EFCAB13: variants seen among roughly 807,000 people sequenced by gnomAD.
The protein encoded by EFCAB13 is EF-hand calcium binding domain 13.
A neutral mutation model predicts 110.2 loss-of-function variants in EFCAB13; 91 were observed. That is an observed-to-expected ratio of 0.83 (90% CI 0.70 to 0.98). The LOEUF (loss-of-function observed/expected upper bound fraction) is 0.98, where lower values mean the gene tolerates loss of function less well. Among genes scored for constraint, EFCAB13 ranks in the 50% least tolerant of loss-of-function variants. The pLI is 0.00. For missense variants in EFCAB13, 968 were observed against 1,119.4 expected, an observed-to-expected ratio of 0.86 and a Z score of 1.93; for synonymous variants, 323 against 369.9, an observed-to-expected ratio of 0.87 and a Z score of 1.45.
rs1294445745 is a variant in EFCAB13 at position 47,393,888 on chromosome 17, C to A, written c.1727-137C>A. ...TTGATTTGCTTTTCCCCTTTATACCCATATATTTTTATTGGTTAGTATTAC... is the reference window on the plus strand; with the variant it reads ...TTGATTTGCTTTTCCCCTTTATACCAATATATTTTTATTGGTTAGTATTAC... On this transcript the variant is annotated intron_variant, in intron 15 of 24. Transcript: ENST00000331493. The A allele has an allele frequency of 7.3e-6, 3 of 411,296 alleles. No homozygotes were observed. The East Asian group carries it at 1.3e-4, about 17-fold the overall frequency. The allele number at this position is 411,296 out of a possible 1,614,324, so 25.5% of individuals were successfully genotyped here.
intron 14 of EFCAB13, among the ~76,000 whole-genome samples, chr17:47,379,970 C>T (rs974247533): frequency 1.7e-4 from 26 of 152,136 alleles, no homozygotes; most frequent in African/African-American, 5.8e-4. Flanking sequence ...GCTACATTAT[C>T]ATTTGTCATT....
intron 23 of EFCAB13, chr17:47,423,461 C>G (rs1204290600): frequency 4.8e-6 from 1 of 209,740 alleles, no homozygotes; most frequent in Non-Finnish European, 9.4e-6. Context: ...AGTTGGCCAC[C>G]GCGCCTGGCT....
intron 15 of EFCAB13, among the ~76,000 whole-genome samples, chr17:47,393,055 C>A (rs1216812751): frequency 6.6e-6 from 1 of 151,950 alleles, no homozygotes; most frequent in African/African-American, 2.4e-5. Flanking sequence ...TTCTCAACAT[C>A]CTTAGTAATT....
In EFCAB13 at chr17:47,431,577, G is replaced by A. The variant is rs1296678789; in HGVS notation, c.2638+1616G>A. The stretch of plus-strand genomic sequence containing the variant: ...GTTTCTTAATTTCCAAAAATTTGAG[G>A]TTTTATAGTCATTACATTATTAATT... On this transcript the variant is annotated intron_variant, in intron 24 of 24. Coordinates refer to ENST00000331493, the MANE Select transcript of EFCAB13 (RefSeq NM_152347.5). The surrounding 1 kb of genome is among the most constrained non-coding windows in gnomAD (Gnocchi z 4.1). Among the ~76,000 whole-genome samples the A allele has an allele frequency of 6.6e-6, 1 of 151,760 alleles. No homozygotes were observed. Among genetic ancestry groups the A allele is most frequent in the Admixed American group, 6.6e-5 (1 of 15,238 alleles).
chr17:47,357,249 C>A (rs901834529), intron 9 of EFCAB13, among the ~76,000 whole-genome samples: 1 of 152,158 alleles, frequency 6.6e-6, no homozygotes, highest in Non-Finnish European at 1.5e-5. Flanking sequence ...TCTTTGGATT[C>A]TCTTGGCTTT....
At chr17:47,403,691 C>T (rs16941956) in intron 18 of EFCAB13, among the ~76,000 whole-genome samples, 187 bp from the exon 19 acceptor site, 17,339 of 152,032 alleles carry the variant, frequency 0.11, 1,298 homozygotes, top group East Asian at 0.35. Flanking sequence ...ACCAGAGAAA[C>T]GTGATAGATC....
intron 4 of EFCAB13, chr17:47,328,646 A>C (rs2065301862): frequency 8.5e-6 from 3 of 353,882 alleles, no homozygotes; most frequent in Non-Finnish European, 1.5e-5. Flanking sequence ...ATTTTTGTGG[A>C]GATCAAAAGG....
intron 10 of EFCAB13, among the ~76,000 whole-genome samples, chr17:47,366,848 G>A (rs2065549394): frequency 6.6e-6 from 1 of 152,204 alleles, no homozygotes; most frequent in African/African-American, 2.4e-5. Context: ...CTGTGAACAT[G>A]GTTGACTACC....
At chr17:47,359,629 T>TTTA (rs1029475167) in intron 9 of EFCAB13, among the ~76,000 whole-genome samples, 1 of 151,706 alleles carries the variant, frequency 6.6e-6, no homozygotes, top group African/African-American at 2.4e-5. Flanking sequence ...CAATTTTTTT[T>TTTA]TTATTATTAT....
intron 23 of EFCAB13, among the ~76,000 whole-genome samples, chr17:47,421,133 T>C (rs1404882404): frequency 2.6e-5 from 4 of 151,810 alleles, no homozygotes; most frequent in African/African-American, 9.7e-5. Flanking sequence ...CACCACCCCG[T>C]CTGGGAGGTG....
intron 3 of EFCAB13, among the ~76,000 whole-genome samples, chr17:47,326,992 T>C (rs761061101): frequency 7.9e-5 from 12 of 152,206 alleles, no homozygotes; most frequent in Non-Finnish European, 1.8e-4. Flanking sequence ...AGCAATGTAA[T>C]ATAATGTAAT....
At chr17:47,427,103 C>T (rs1157323873) in intron 23 of EFCAB13, among the ~76,000 whole-genome samples, 1 of 152,000 alleles carries the variant, frequency 6.6e-6, no homozygotes, top group Non-Finnish European at 1.5e-5. Context: ...AGAGCATTTC[C>T]CTGTAGTAGC....
rs1905299800 is a variant in EFCAB13, at chr17:47,440,512, A to T, written c.2720A>T (p.Tyr907Phe). ...LTIPKAAGKF[Y>F]LICTYCPDLE... is the part of the protein sequence containing the mutation. ...ATTCCTAAAGCTGCAGGTAAGTTTTATTTAATATGTACTTATTGCCCAGAT... is the reference window on the plus strand; with the variant it reads ...ATTCCTAAAGCTGCAGGTAAGTTTTTTTTAATATGTACTTATTGCCCAGAT... Residue 907 changes from tyrosine to phenylalanine, a missense_variant, in exon 25 of 25, where the codon TAT becomes TTT. Physicochemically the swap from Tyr to Phe is conservative, Grantham distance 22. Transcript: ENST00000331493. The T allele has an allele frequency of 6.2e-7, 1 of 1,612,456 alleles. No homozygotes were observed. The highest frequency in any genetic ancestry group is 8.5e-7 in the Non-Finnish European group (1 of 1,179,422).
At chr17:47,398,223 G>A (rs1399858793) in intron 17 of EFCAB13, among the ~76,000 whole-genome samples, 6 of 139,884 alleles carry the variant, frequency 4.3e-5, no homozygotes, top group Non-Finnish European at 9.3e-5. Context: ...CAGCCGCCCC[G>A]TCCGGGAGGG....
chr17:47,405,792 C>T (rs1446855729), intron 20 of EFCAB13, among the ~76,000 whole-genome samples: 3 of 151,186 alleles, frequency 2.0e-5, no homozygotes, highest in Admixed American at 6.6e-5. Context: ...TTATCTTTAG[C>T]GTTTCTATTT....
At chr17:47,427,252 T>C (rs1265100554) in intron 23 of EFCAB13, among the ~76,000 whole-genome samples, 2 of 152,058 alleles carry the variant, frequency 1.3e-5, no homozygotes, top group Non-Finnish European at 2.9e-5. Context: ...TTTTGAAAAA[T>C]TGAGTAGGTT....
chr17:47,371,276 G>GA (rs1039343333), intron 11 of EFCAB13, among the ~76,000 whole-genome samples: 2 of 151,988 alleles, frequency 1.3e-5, no homozygotes, highest in Non-Finnish European at 2.9e-5. Flanking sequence ...GTGCTTTTGA[G>GA]ATCTTAGTCA....
At chr17:47,341,877 G>A (rs1476806554) in intron 5 of EFCAB13, 44 bp from the exon 6 acceptor site, 1 of 1,153,918 alleles carries the variant, frequency 8.7e-7, no homozygotes, top group African/African-American at 1.6e-5. Flanking sequence ...AAAAGAATAA[G>A]TAAAAAGAAA....
intron 8 of EFCAB13, among the ~76,000 whole-genome samples, chr17:47,345,474 A>G (rs187350324): frequency 5.9e-5 from 9 of 152,242 alleles, no homozygotes; most frequent in African/African-American, 2.2e-4. Context: ...CCTTCATGAC[A>G]CTGACCTCTC....
Sources: allele counts gnomAD v4.1 joint callset (sites outside exome capture counted in the v4.1 genomes callset), GRCh38; gene constraint gnomAD v4.1.1; non-coding constraint Gnocchi (gnomAD v3.1); transcripts MANE v1.5; gene names NCBI Gene and HGNC (gene_info 2026-07-23, HGNC 2026-07-21).